Variants in LCLAT1 observed in about 807,000 individuals in gnomAD.
The protein encoded by LCLAT1 is lysocardiolipin acyltransferase 1, also known as 1-AGP acyltransferase 8.
LCLAT1 carries 11 observed loss-of-function variants against 30.7 expected under a neutral mutation model. The ratio of observed to expected loss-of-function variants is 0.36; its 90% CI spans 0.23 to 0.59. The LOEUF (loss-of-function observed/expected upper bound fraction) is 0.59, where lower values mean the gene tolerates loss of function less well. Among genes scored for constraint, LCLAT1 ranks in the 20% least tolerant of loss-of-function variants. The pLI, the probability that LCLAT1 is intolerant of heterozygous loss-of-function variation, is 0.77. For missense variants in LCLAT1, 402 were observed against 458.6 expected, an observed-to-expected ratio of 0.88 and a Z score of 1.13; for synonymous variants, 155 against 151.3, an observed-to-expected ratio of 1.02 and a Z score of -0.18.
At chr2:30,522,089 C>T (rs1001177894) in intron 1 of LCLAT1, among the ~76,000 whole-genome samples, 1 of 152,098 alleles carries the variant, frequency 6.6e-6, no homozygotes, top group African/African-American at 2.4e-5. Flanking sequence ...TTTTGTTTAT[C>T]CATTCTCCCT....
At position 30,447,251 on chromosome 2, in the gene LCLAT1, G is replaced by A. The variant is rs1171572765; in HGVS notation, c.-137G>A. On this transcript the variant is annotated 5_prime_UTR_variant, in exon 1 of 6. Coordinates refer to ENST00000379509, the MANE Select transcript of LCLAT1 (RefSeq NM_001002257.3). ...GTAGCCTTCCGGGACGCATTACTAG[G>A]GCGACGGCCGGACGCCTCCGCGTTA... is the stretch of plus-strand genomic sequence containing the variant. The A allele has an allele frequency of 6.6e-6, 1 of 152,010 alleles. No homozygotes were observed. Among genetic ancestry groups the A allele is most frequent in the Non-Finnish European group, 1.5e-5 (1 of 68,028 alleles). 9.4% of individuals were successfully genotyped at this position (152,010 alleles called of 1,614,324 possible).
intron 1 of LCLAT1, among the ~76,000 whole-genome samples, chr2:30,455,474 A>C (rs781679619): frequency 1.3e-5 from 2 of 152,200 alleles, no homozygotes; most frequent in South Asian, 4.1e-4. Flanking sequence ...TGGAAGATCT[A>C]GGGGAGAATC....
At chr2:30,512,544 G>T (rs1302050284) in intron 1 of LCLAT1, among the ~76,000 whole-genome samples, 5 of 152,150 alleles carry the variant, frequency 3.3e-5, no homozygotes, top group Non-Finnish European at 7.3e-5. Context: ...TAGCCTCTTT[G>T]TGGCATAATC....
At position 30,627,265 on chromosome 2, in the gene LCLAT1, G is replaced by A. The variant is rs561136161; in HGVS notation, c.629-12852G>A. On this transcript the variant is annotated intron_variant, in intron 5 of 5. Transcript: ENST00000379509. ...TCCCTCCCCCAGTTCCCCATTGGTC[G>A]AGTACTCTGGGGTTACAATCTTCTC... Among the ~76,000 whole-genome samples the A allele has an allele frequency of 6.6e-5, 10 of 152,186 alleles. No individual in the cohort carries two copies. The South Asian group carries it at 1.2e-3, about 19-fold the overall frequency.
rs1270998003 is a variant in LCLAT1, at chr2:30,603,326, AAGAC to A, written c.628+35154_628+35157del. Among the ~76,000 whole-genome samples the A allele has an allele frequency of 2.6e-5, 4 of 152,274 alleles. 1 individual carries two copies. The South Asian group carries it at 8.3e-4, about 32-fold the overall frequency. Reference sequence around the variant, plus strand: ...TAGAGATACAATACAGTGAACGAAAAAGACAGATCATAATCATCATTAAATTTCA... The same window carrying A: ...TAGAGATACAATACAGTGAACGAAAAAGATCATAATCATCATTAAATTTCA... On this transcript the variant is annotated intron_variant, in intron 5 of 5. Coordinates refer to ENST00000379509, the MANE Select transcript of LCLAT1 (RefSeq NM_001002257.3).
intron 5 of LCLAT1, among the ~76,000 whole-genome samples, chr2:30,576,997 G>A (rs1296433761): frequency 6.6e-6 from 1 of 151,438 alleles, no homozygotes; most frequent in Admixed American, 6.6e-5. Flanking sequence ...TACAGAAATT[G>A]TTTACTTATT....
chr2:30,543,178 G>T (rs1024954791), intron 3 of LCLAT1, among the ~76,000 whole-genome samples: 1 of 151,918 alleles, frequency 6.6e-6, no homozygotes, highest in Non-Finnish European at 1.5e-5. Context: ...TCATAAAACG[G>T]TGTCAAATTT....
intron 5 of LCLAT1, among the ~76,000 whole-genome samples, chr2:30,616,449 G>A (rs185619837): frequency 1.3e-5 from 2 of 152,230 alleles, no homozygotes; most frequent in African/African-American, 2.4e-5. Flanking sequence ...TACTACTGTA[G>A]TAATCTAATA....
At chr2:30,468,283 C>G (rs1344248328) in intron 1 of LCLAT1, among the ~76,000 whole-genome samples, 2 of 152,128 alleles carry the variant, frequency 1.3e-5, no homozygotes, top group African/African-American at 4.8e-5. Context: ...TCTGAGGGCT[C>G]TGTTCTGTTC....
chr2:30,592,423 G>A (rs751173384), intron 5 of LCLAT1, among the ~76,000 whole-genome samples: 6 of 152,120 alleles, frequency 3.9e-5, no homozygotes, highest in Non-Finnish European at 8.8e-5. Context: ...GGTCGAGGCT[G>A]CAGTGAGCTG....
chr2:30,493,390 T>A (rs899330312), intron 1 of LCLAT1, among the ~76,000 whole-genome samples: 2 of 152,196 alleles, frequency 1.3e-5, no homozygotes, highest in African/African-American at 4.8e-5. Flanking sequence ...CATAAAAAAC[T>A]GAACAATCAA....
At chr2:30,494,828 T>A (rs577381405) in intron 1 of LCLAT1, among the ~76,000 whole-genome samples, 2 of 148,330 alleles carry the variant, frequency 1.3e-5, no homozygotes, top group South Asian at 2.1e-4. Flanking sequence ...CATTTTTAAT[T>A]TTTTTTTTTT....
intron 2 of LCLAT1, among the ~76,000 whole-genome samples, chr2:30,528,012 T>C (rs529373722): frequency 2.2e-4 from 33 of 152,322 alleles, no homozygotes; most frequent in Non-Finnish European, 8.8e-5. Context: ...CCACCTAGCT[T>C]GGCCTCCAGC....
At chr2:30,537,863 C>T (rs1040616333) in intron 3 of LCLAT1, among the ~76,000 whole-genome samples, 1 of 152,020 alleles carries the variant, frequency 6.6e-6, no homozygotes, top group African/African-American at 2.4e-5. Context: ...TTTAAAAAAT[C>T]GAAATTATGT....
At position 30,570,345 on chromosome 2, in the gene LCLAT1, G is replaced by C. The variant is rs376086576; in HGVS notation, c.628+2169G>C. On this transcript the variant is annotated intron_variant, in intron 5 of 5. Coordinates refer to ENST00000379509, the MANE Select transcript of LCLAT1 (RefSeq NM_001002257.3). ...TTTTATTTGTTAGAAACATAAAATGGGACTTGTATACTATAATAATAAAAA... is the reference window on the plus strand; with the variant it reads ...TTTTATTTGTTAGAAACATAAAATGCGACTTGTATACTATAATAATAAAAA... 7.2e-5 allele frequency among the ~76,000 whole-genome samples: 11 copies of C among 152,132 alleles called. No individual in the cohort carries two copies. In the East Asian group the frequency reaches 1.2e-3, roughly 16 times the overall value.
At chr2:30,572,573 A>G (rs1665829138) in intron 5 of LCLAT1, among the ~76,000 whole-genome samples, 1 of 152,156 alleles carries the variant, frequency 6.6e-6, no homozygotes, top group Non-Finnish European at 1.5e-5. Flanking sequence ...GGCTCCGTTT[A>G]GCAACTTTCA....
chr2:30,532,102 CTT>C (rs1045595785), intron 2 of LCLAT1, among the ~76,000 whole-genome samples: 17 of 152,184 alleles, frequency 1.1e-4, no homozygotes, highest in African/African-American at 4.1e-4. Flanking sequence ...TTTAGAAAGT[CTT>C]ATATATTGAC....
At chr2:30,600,407 T>G (rs572286741) in intron 5 of LCLAT1, among the ~76,000 whole-genome samples, 6 of 152,104 alleles carry the variant, frequency 3.9e-5, no homozygotes, top group Non-Finnish European at 5.9e-5. Flanking sequence ...ATGCTCACAT[T>G]AAGCTAGAAA....
At chr2:30,616,747 G>A (rs1362223410) in intron 5 of LCLAT1, among the ~76,000 whole-genome samples, 1 of 151,784 alleles carries the variant, frequency 6.6e-6, no homozygotes, top group Non-Finnish European at 1.5e-5. Flanking sequence ...AAGGAAAAAG[G>A]ATGCAAAATA....
Sources: allele counts gnomAD v4.1 joint callset (sites outside exome capture counted in the v4.1 genomes callset), GRCh38; gene constraint gnomAD v4.1.1; transcripts MANE v1.5; gene names NCBI Gene and HGNC (gene_info 2026-07-23, HGNC 2026-07-21).